Variants in AUH observed in about 807,000 individuals in gnomAD.
AUH encodes the protein methylglutaconyl-CoA hydratase, mitochondrial.
In AUH, 29 loss-of-function variants were observed where a neutral mutation model predicts 42.3. The ratio of observed to expected loss-of-function variants is 0.69; its 90% confidence interval spans 0.51 to 0.93. The LOEUF (loss-of-function observed/expected upper bound fraction) is 0.93, where lower values mean the gene tolerates loss of function less well. AUH is among the 40% of genes least tolerant of loss of function. AUH has a pLI of 0.00. For synonymous variants in AUH, 174 were observed against 166.4 expected (o/e 1.05, Z -0.35); for missense variants, 452 against 438.1 (o/e 1.03, Z -0.28).
At chr9:91,219,470 C>T (rs1337269907) in intron 7 of AUH, among the ~76,000 whole-genome samples, 1 of 152,216 alleles carries the variant, frequency 6.6e-6, no homozygotes, top group Non-Finnish European at 1.5e-5. Flanking sequence ...TAGGTAGAGA[C>T]TTCTCTCATA....
intron 4 of AUH, among the ~76,000 whole-genome samples, chr9:91,317,427 G>C (rs1035352850): frequency 1.3e-5 from 2 of 151,996 alleles, no homozygotes; most frequent in African/African-American, 4.8e-5. Flanking sequence ...ACTCATTTTT[G>C]TTCCTACTTT....
intron 6 of AUH, among the ~76,000 whole-genome samples, chr9:91,265,845 A>G (rs1179772043): frequency 6.6e-6 from 1 of 152,164 alleles, no homozygotes; most frequent in Non-Finnish European, 1.5e-5. Context: ...AACCCGTCTC[A>G]TCTGTAAAAT....
chr9:91,257,543 TGGA>T (rs902437877), intron 6 of AUH, among the ~76,000 whole-genome samples: 29 of 152,250 alleles, frequency 1.9e-4, no homozygotes, highest in African/African-American at 7.0e-4. Context: ...CCCTTGAAAG[TGGA>T]GGAGAATAAC....
intron 4 of AUH, among the ~76,000 whole-genome samples, chr9:91,314,907 TGA>T (rs1330478891): frequency 6.6e-6 from 1 of 152,170 alleles, no homozygotes; most frequent in African/African-American, 2.4e-5. Flanking sequence ...GGAGGCGCAA[TGA>T]GAGTTTTTCG....
intron 3 of AUH, among the ~76,000 whole-genome samples, chr9:91,341,945 A>G (rs1031612697): frequency 6.6e-6 from 1 of 152,200 alleles, no homozygotes; most frequent in Non-Finnish European, 1.5e-5. Context: ...CACTGAGCAC[A>G]ACGAGTTGGA....
At chr9:91,234,260 A>G (rs542646181) in intron 6 of AUH, among the ~76,000 whole-genome samples, 12 of 152,302 alleles carry the variant, frequency 7.9e-5, no homozygotes, top group African/African-American at 2.6e-4. Context: ...AGGCGTCTAC[A>G]TCAGGTCTGG....
At chr9:91,354,881 T>G (rs527740796) in intron 3 of AUH, among the ~76,000 whole-genome samples, 2 of 143,196 alleles carry the variant, frequency 1.4e-5, no homozygotes, top group Non-Finnish European at 3.1e-5. Flanking sequence ...GATCTAGACA[T>G]AAGAATCCTA....
intron 5 of AUH, 130 bp downstream of exon 5, chr9:91,297,854 G>A: frequency 3.8e-6 from 3 of 797,406 alleles, no homozygotes; most frequent in South Asian, 1.5e-5. Context: ...ACACCATTAG[G>A]ACCAACAAGT....
chr9:91,238,703 A>T (rs1213702265), intron 6 of AUH, among the ~76,000 whole-genome samples: 1 of 152,254 alleles, frequency 6.6e-6, no homozygotes, highest in Non-Finnish European at 1.5e-5. Flanking sequence ...TTTTCTCCCT[A>T]GGTAATAATC....
chr9:91,271,933 C>T (rs1389879642), intron 6 of AUH, among the ~76,000 whole-genome samples: 3 of 152,194 alleles, frequency 2.0e-5, no homozygotes, highest in Non-Finnish European at 4.4e-5. Flanking sequence ...CCACCCGCCT[C>T]GGCCTCCCAA....
chr9:91,256,974 A>G (rs989441947), intron 6 of AUH, among the ~76,000 whole-genome samples: 2 of 152,002 alleles, frequency 1.3e-5, no homozygotes, highest in African/African-American at 4.8e-5. Flanking sequence ...AAATATCCCA[A>G]ACTTGTAGGT....
At position 91,239,065 on chromosome 9, in the gene AUH, AT is replaced by A. The variant is rs544053118; in HGVS notation, c.656-18074del. Reference sequence around the variant, plus strand: ...ACATTTCACATTCAATTACAATGTAATGTGTAAAGAACTGACCATACCTTAT... The same window carrying A: ...ACATTTCACATTCAATTACAATGTAAGTGTAAAGAACTGACCATACCTTAT... On this transcript the variant is annotated intron_variant, in intron 6 of 9. Coordinates refer to ENST00000375731, the MANE Select transcript of AUH (RefSeq NM_001698.3). Among the ~76,000 whole-genome samples, 264 of 152,360 alleles carry A rather than the reference AT, an allele frequency of 1.7e-3. 3 individuals are homozygous for A. The highest frequency in any genetic ancestry group is 3.4e-3 in the Middle Eastern group (1 of 294).
At chr9:91,286,037 T>C (rs1234069630) in intron 6 of AUH, among the ~76,000 whole-genome samples, 1 of 152,166 alleles carries the variant, frequency 6.6e-6, no homozygotes, top group Non-Finnish European at 1.5e-5. Flanking sequence ...TATGACCTTA[T>C]TAATCATATT....
chr9:91,299,127 G>A (rs1258139861), intron 4 of AUH, among the ~76,000 whole-genome samples: 3 of 152,196 alleles, frequency 2.0e-5, no homozygotes, highest in African/African-American at 2.4e-5. Context: ...GCTGAGGCAG[G>A]AGAATCGCGT....
intron 3 of AUH, among the ~76,000 whole-genome samples, chr9:91,343,799 A>T (rs1244394016): frequency 1.3e-5 from 2 of 152,226 alleles, no homozygotes; most frequent in Non-Finnish European, 2.9e-5. Flanking sequence ...ATAAGGAATA[A>T]TATGAACAAT....
chr9:91,346,388 A>T (rs1227689439), intron 3 of AUH, among the ~76,000 whole-genome samples: 1 of 152,142 alleles, frequency 6.6e-6, no homozygotes, highest in African/African-American at 2.4e-5. Flanking sequence ...GAACACATGG[A>T]TGTGCTGGGT....
intron 3 of AUH, among the ~76,000 whole-genome samples, chr9:91,348,033 T>A (rs1831662715): frequency 6.7e-6 from 1 of 149,452 alleles, no homozygotes; most frequent in Admixed American, 6.7e-5. Context: ...GAAGAAAACT[T>A]ACCAAGTATA....
Position 91,262,424 on chromosome 9 carries a change from C to A in AUH, c.655+33597G>T, listed in dbSNP as rs75787258. Among the ~76,000 whole-genome samples the A allele has an allele frequency of 1.4e-4, 22 of 152,298 alleles. No homozygotes were observed. The East Asian group carries it at 4.2e-3, about 29-fold the overall frequency. On this transcript the variant is annotated intron_variant, in intron 6 of 9. Transcript: ENST00000375731. ...GACCAGCTATTACGGTCTTCCCTCG[C>A]CCCTCCAACACAGCTAATCAGACAG...
intron 6 of AUH, among the ~76,000 whole-genome samples, chr9:91,250,675 C>G (rs1244751722): frequency 6.6e-6 from 1 of 152,196 alleles, no homozygotes; most frequent in African/African-American, 2.4e-5. Context: ...TGAGGACATA[C>G]TCATTATGTT....
Sources: allele counts gnomAD v4.1 joint callset (sites outside exome capture counted in the v4.1 genomes callset), GRCh38; gene constraint gnomAD v4.1.1; transcripts MANE v1.5; gene names NCBI Gene and HGNC (gene_info 2026-07-23, HGNC 2026-07-21).